The following SUGCT variants were observed in gnomAD, a reference collection of about 807,000 sequenced individuals.
SUGCT encodes the protein succinyl-CoA:glutarate CoA-transferase.
A neutral mutation model predicts 55.0 loss-of-function variants in SUGCT; 41 were observed. The observed-to-expected ratio is 0.74, with a 90% confidence interval of 0.58 to 0.97. SUGCT has a LOEUF of 0.97. SUGCT is among the 50% of genes least tolerant of loss of function. The pLI is 0.00. For missense variants in SUGCT, 568 were observed against 547.8 expected (o/e 1.04, Z -0.37); for synonymous variants, 187 against 200.4 (o/e 0.93, Z 0.56).
At chr7:40,787,907 A>G (rs1006540247) in intron 13 of SUGCT, among the ~76,000 whole-genome samples, 1 of 152,124 alleles carries the variant, frequency 6.6e-6, no homozygotes, top group South Asian at 2.1e-4. Flanking sequence ...GTGGAGACCC[A>G]TGGGGAGAAG....
the SUGCT span, among the ~76,000 whole-genome samples, chr7:41,028,867 A>G: frequency 6.6e-6 from 1 of 152,136 alleles, no homozygotes; most frequent in Admixed American, 6.5e-5. Context: ...CACATCTGCA[A>G]AACTGGGATA....
At chr7:40,491,855 T>C (rs180945987) in intron 11 of SUGCT, among the ~76,000 whole-genome samples, 11 of 152,244 alleles carry the variant, frequency 7.2e-5, no homozygotes, top group African/African-American at 2.4e-4. Flanking sequence ...CCAGGCGTGG[T>C]GGTGGGCACC....
chr7:40,211,309 G>A (rs886202133), intron 6 of SUGCT, among the ~76,000 whole-genome samples: 5 of 152,166 alleles, frequency 3.3e-5, no homozygotes, highest in Admixed American at 3.3e-4. Context: ...CACCTCTGGG[G>A]TTCAAATGAT....
At chr7:40,854,469 T>TTTCTTTCTTTCTTTCTTTCTTTCC (rs1491327998) in intron 13 of SUGCT, among the ~76,000 whole-genome samples, 1 of 147,988 alleles carries the variant, frequency 6.8e-6, no homozygotes, top group African/African-American at 2.6e-5. Flanking sequence ...TCTTTCTTTC[T>TTTCTTTCTTTCTTTCTTTCTTTCC]TTCTTTCTCT....
At position 40,803,270 on chromosome 7, in the gene SUGCT, T is replaced by C. The variant is rs181195881; in HGVS notation, c.1153+53773T>C. On this transcript the variant is annotated intron_variant, in intron 13 of 13. Coordinates refer to ENST00000335693, the MANE Select transcript of SUGCT (RefSeq NM_001193313.2). ...GAAAAGTAGCAACCTTTTATAGATCTGTGATATATCCTCACAGATATGTCA... is the reference window on the plus strand; with the variant it reads ...GAAAAGTAGCAACCTTTTATAGATCCGTGATATATCCTCACAGATATGTCA... Among the ~76,000 whole-genome samples, 284 of 152,338 alleles carry C rather than the reference T, an allele frequency of 1.9e-3. 1 individual carries two copies. Among genetic ancestry groups the C allele is most frequent in the African/African-American group, 6.5e-3 (272 of 41,576 alleles).
intron 12 of SUGCT, among the ~76,000 whole-genome samples, chr7:40,576,943 A>G (rs1277231373): frequency 3.3e-5 from 5 of 152,174 alleles, no homozygotes; most frequent in African/African-American, 9.6e-5. Flanking sequence ...TCCTGGGGCC[A>G]AGGAGAGTGA....
chr7:40,489,511 T>A (rs1008706723), intron 11 of SUGCT, among the ~76,000 whole-genome samples: 4 of 151,974 alleles, frequency 2.6e-5, no homozygotes, highest in African/African-American at 9.7e-5. Context: ...TGAAATCCCA[T>A]CTCTACTAAA....
chr7:40,795,497 A>G (rs1790507925), intron 13 of SUGCT, among the ~76,000 whole-genome samples: 7 of 152,208 alleles, frequency 4.6e-5, no homozygotes, highest in Admixed American at 4.6e-4. Context: ...CACGAAAAAG[A>G]ACTTCTAGAA....
the SUGCT span, among the ~76,000 whole-genome samples, chr7:41,017,052 G>A: frequency 1.3e-5 from 2 of 152,278 alleles, no homozygotes; most frequent in African/African-American, 4.8e-5. Flanking sequence ...TTTGAGCCAC[G>A]TTACTCAGCC....
chr7:40,854,478 CTT>C (rs1428451995), intron 13 of SUGCT, among the ~76,000 whole-genome samples: 75 of 79,416 alleles, frequency 9.4e-4, no homozygotes, highest in African/African-American at 3.3e-3. Context: ...CTTTCTTTCT[CTT>C]TCTCTCTTTC....
chr7:40,548,292 G>C (rs1412285548), intron 12 of SUGCT, among the ~76,000 whole-genome samples: 1 of 144,758 alleles, frequency 6.9e-6, no homozygotes, highest in Non-Finnish European at 1.5e-5. Flanking sequence ...GGGCTCAAAT[G>C]CTCCTCCCCG....
At chr7:40,277,122 A>G (rs1399214677) in intron 8 of SUGCT, among the ~76,000 whole-genome samples, 1 of 152,226 alleles carries the variant, frequency 6.6e-6, no homozygotes, top group Non-Finnish European at 1.5e-5. Flanking sequence ...TGGCAAAAAA[A>G]GTAGCAGTGA....
chr7:40,613,939 A>C (rs1157021502), intron 12 of SUGCT, among the ~76,000 whole-genome samples: 1 of 152,188 alleles, frequency 6.6e-6, no homozygotes, highest in East Asian at 1.9e-4. Context: ...ATAGTAGTGC[A>C]TACTATGGGT....
At chr7:40,758,884 C>A (rs1788394025) in intron 13 of SUGCT, among the ~76,000 whole-genome samples, 1 of 152,126 alleles carries the variant, frequency 6.6e-6, no homozygotes, top group Admixed American at 6.5e-5. Context: ...AATCTGCTTA[C>A]AACCCTTGTG....
intron 9 of SUGCT, among the ~76,000 whole-genome samples, chr7:40,353,637 G>A (rs1396947720): frequency 6.6e-6 from 1 of 151,998 alleles, no homozygotes; most frequent in South Asian, 2.1e-4. Context: ...TCATTATGGT[G>A]TTATTTTTTG....
At chr7:40,680,631 A>C (rs1230845294) in intron 12 of SUGCT, among the ~76,000 whole-genome samples, 1 of 152,180 alleles carries the variant, frequency 6.6e-6, no homozygotes, top group Admixed American at 6.6e-5. Context: ...GTTTTACAGG[A>C]GGAAAAAAAT....
At chr7:40,695,488 G>A (rs980782648) in intron 12 of SUGCT, among the ~76,000 whole-genome samples, 64 of 151,996 alleles carry the variant, frequency 4.2e-4, no homozygotes, top group African/African-American at 1.3e-3. Context: ...ATGAGTCTGC[G>A]CCCAGCCCAA....
intron 9 of SUGCT, among the ~76,000 whole-genome samples, chr7:40,342,574 A>G (rs1409002619): frequency 5.9e-5 from 9 of 152,010 alleles, no homozygotes; most frequent in Non-Finnish European, 1.0e-4. Context: ...GACATTTTCC[A>G]TTTCCAGCAT....
At chr7:40,909,455 A>T in the SUGCT span, among the ~76,000 whole-genome samples, 1 of 152,134 alleles carries the variant, frequency 6.6e-6, no homozygotes, top group Non-Finnish European at 1.5e-5. Flanking sequence ...TAGTTCCTGA[A>T]GGTGTTGTAT....
Sources: gnomAD v4.1 joint callset for allele counts (sites outside exome capture counted in the v4.1 genomes callset) on GRCh38, gnomAD v4.1.1 for gene constraint, MANE v1.5 for transcripts, NCBI Gene and HGNC (gene_info 2026-07-23, HGNC 2026-07-21) for gene names.